Variants in DGCR8 observed in about 807,000 individuals in gnomAD.
DGCR8 encodes the protein microprocessor complex subunit DGCR8.
DGCR8 carries 14 observed loss-of-function variants against 78.5 expected under a neutral mutation model. That is an observed-to-expected ratio of 0.18 (90% CI 0.12 to 0.28). The LOEUF (loss-of-function observed/expected upper bound fraction) is 0.28, where lower values mean the gene tolerates loss of function less well. DGCR8 is among the 10% of genes least tolerant of loss of function. DGCR8 has a pLI of 1.00. For missense variants in DGCR8, 702 were observed against 1,022.5 expected, an observed-to-expected ratio of 0.69 and a Z score of 4.28; for synonymous variants, 399 against 402.4, an observed-to-expected ratio of 0.99 and a Z score of 0.10.
Position 20,087,282 on chromosome 22 carries a change from G to A in DGCR8, c.841G>A (p.Val281Met). The change falls in exon 3 of 14, where the codon GTG becomes ATG. Residue 281 changes from valine to methionine, a missense_variant. Val to Met is a conservative substitution (Grantham distance 21). Transcript: ENST00000351989. This position sits in a 1 kb window ranked among gnomAD's most constrained non-coding sequence, Gnocchi z 4.1. ...CCATCCGTCCGATGGAGAGACAAGT[G>A]TGCAGCCGATGATGACCAAGATTAA... Reference protein sequence around the residue: ...SDHPSDGETSVQPMMTKIKTV... With the variant: ...SDHPSDGETSMQPMMTKIKTV... The A allele has an allele frequency of 1.2e-6, 2 of 1,613,540 alleles. No individual in the cohort carries two copies. Among genetic ancestry groups the A allele is most frequent in the East Asian group, 2.2e-5 (1 of 44,850 alleles).
At chr22:20,093,357 A>G (rs1160731496) in intron 8 of DGCR8, among the ~76,000 whole-genome samples, 2 of 151,796 alleles carry the variant, frequency 1.3e-5, no homozygotes, top group Non-Finnish European at 2.9e-5. Flanking sequence ...GTGAGCTGAG[A>G]TCGTGCCACT....
chr22:20,084,632 G>A lies in DGCR8; in HGVS notation c.-277-1055G>A, dbSNP rs1439699228. ...TGTGGCCTCGGCACCTTCAGAGCCT[G>A]CCTGGAGGTCCCCTCTGTTCTCCTC... On this transcript the variant is annotated intron_variant, in intron 1 of 13. Transcript: ENST00000351989. 2.6e-5 allele frequency among the ~76,000 whole-genome samples: 4 copies of A among 152,316 alleles called. No homozygotes were observed. The East Asian group carries it at 7.7e-4, about 29-fold the overall frequency.
chr22:20,106,396 C>G (rs1162700250), intron 10 of DGCR8, 119 bp downstream of exon 10: 18 of 938,042 alleles, frequency 1.9e-5, no homozygotes, highest in Admixed American at 1.4e-4. Flanking sequence ...CCTGGGTACA[C>G]AGCAGCCCCT....
intron 9 of DGCR8, among the ~76,000 whole-genome samples, chr22:20,102,940 C>T (rs933873293): frequency 2.0e-5 from 3 of 152,114 alleles, no homozygotes; most frequent in Admixed American, 6.6e-5. Context: ...CGAGACCTGC[C>T]TGGCCAACAT....
At position 20,111,364 on chromosome 22, in the gene DGCR8, CTTT is replaced by C. The variant is rs375425509; in HGVS notation, c.*1268_*1270del. 157 of 384,374 alleles carry C rather than the reference CTTT, an allele frequency of 4.1e-4. No homozygotes were observed. The highest frequency in any genetic ancestry group is 1.5e-3 in the Admixed American group (33 of 21,814). 23.8% of individuals were successfully genotyped at this position (384,374 alleles called of 1,614,324 possible). On this transcript the variant is annotated 3_prime_UTR_variant, in exon 14 of 14. Coordinates refer to ENST00000351989, the MANE Select transcript of DGCR8 (RefSeq NM_022720.7). ...CCCCCTACAGGCGGTACTGATGGCG[CTTT>C]TTTTTTTTTTTCTGTCAGGAAAACA...
chr22:20,108,924 A>G lies in DGCR8; in HGVS notation c.2159A>G (p.Gln720Arg). The change falls in exon 13 of 14, where the codon CAG becomes CGG. Residue 720 changes from glutamine (Q) to arginine (R), a missense_variant. Around this residue, in one of 4 missense-constraint regions of DGCR8, gnomAD observed 225 missense variants for 427.7 expected, o/e 0.53. Coordinates refer to ENST00000351989, the MANE Select transcript of DGCR8 (RefSeq NM_022720.7). ...GACAAGAGTGTGATTGAGCTGCAGC[A>G]GTATGCCAAGAAGAACAAGCCCAAC... ...TSDKSVIELQQYAKKNKPNLH... is the reference protein window; with the variant it reads ...TSDKSVIELQRYAKKNKPNLH... 1 of 1,608,406 alleles carries G rather than the reference A, an allele frequency of 6.2e-7. No individual in the cohort carries two copies. Among genetic ancestry groups the G allele is most frequent in the Non-Finnish European group, 8.5e-7 (1 of 1,174,986 alleles).
In DGCR8 at chr22:20,091,507, C is replaced by T; in HGVS notation, c.1379C>T (p.Thr460Ile). ...CAAGTTACTGTGAAAAAATTCAGGA[C>T]TTGGGCTGAGCGGCGGCAATTCAAT... is the stretch of plus-strand genomic sequence containing the variant. ...FEQVTVKKFR[T>I]WAERRQFNRE... The change falls in exon 6 of 14, where the codon ACT (threonine) becomes ATT (isoleucine). Residue 460 changes from threonine (T) to isoleucine (I), a missense_variant. Physicochemically the swap from Thr to Ile is moderately conservative, Grantham distance 89. This residue lies in a region of DGCR8 where 225 missense variants were observed against 427.7 expected (regional missense o/e 0.53). Transcript: ENST00000351989. 1 of 1,614,174 alleles carries T rather than the reference C, an allele frequency of 6.2e-7. No homozygotes were observed. The highest frequency in any genetic ancestry group is 8.5e-7 in the Non-Finnish European group (1 of 1,180,030).
chr22:20,105,158 T>C (rs1265703252), intron 9 of DGCR8, among the ~76,000 whole-genome samples: 1 of 152,204 alleles, frequency 6.6e-6, no homozygotes, highest in South Asian at 2.1e-4. Context: ...AGTGGTGTGA[T>C]CCAGTGTGTC....
Position 20,090,244 on chromosome 22 carries a change from A to T in DGCR8, c.1292A>T (p.Lys431Ile). ...GTGAAGGCCAAAGTCGAGGTGTGCA[A>T]AGATGAATCCGTTGGTGAGTTTTTG... ...GQVKAKVEVCKDESVDLEEFR... is the reference protein window; with the variant it reads ...GQVKAKVEVCIDESVDLEEFR... Residue 431 changes from lysine to isoleucine, a missense_variant, in exon 5 of 14, where the codon AAA (lysine) becomes ATA (isoleucine). By Grantham distance (102) the Lys-to-Ile change is moderately radical. This residue lies in a region of DGCR8 where 119 missense variants were observed against 126.1 expected (regional missense o/e 0.94). Coordinates refer to ENST00000351989, the MANE Select transcript of DGCR8 (RefSeq NM_022720.7). The T allele has an allele frequency of 6.2e-7, 1 of 1,601,192 alleles. No homozygotes were observed. Among genetic ancestry groups the T allele is most frequent in the Non-Finnish European group, 8.5e-7 (1 of 1,176,166 alleles).
At position 20,086,460 on chromosome 22, in the gene DGCR8, G is replaced by A. The variant is rs1056538434; in HGVS notation, c.497G>A (p.Gly166Glu). ...GACGTGCATGCTTGTCCCTTTGGCG[G>A]GAGTGTTGGTGACGGGGTAGGCATA... ...SGDVHACPFGGSVGDGVGIGG... is the reference protein window; with the variant it reads ...SGDVHACPFGESVGDGVGIGG... The change falls in exon 2 of 14, where the codon GGG (glycine) becomes GAG (glutamate). Residue 166 changes from glycine (G) to glutamate (E), a missense_variant. Coordinates refer to ENST00000351989, the MANE Select transcript of DGCR8 (RefSeq NM_022720.7). The surrounding 1 kb of genome is among the most constrained non-coding windows in gnomAD (Gnocchi z 6.4). 6.2e-7 allele frequency: 1 copy of A among 1,614,024 alleles called. No homozygotes were observed. Among genetic ancestry groups the A allele is most frequent in the Non-Finnish European group, 8.5e-7 (1 of 1,180,024 alleles).
At position 20,080,281 on chromosome 22, in the gene DGCR8, A is replaced by G. The variant is rs1405559994; in HGVS notation, c.-380A>G. On this transcript the variant is annotated 5_prime_UTR_variant, in exon 1 of 14. Transcript: ENST00000351989. ...GCGGCAGGCGGGTGCCGGCGACCGG[A>G]GAGCCTGGACAGGCTTTCCAGATGG... 25 of 980,704 alleles carry G rather than the reference A, an allele frequency of 2.5e-5. No homozygotes were observed. Among genetic ancestry groups the G allele is most frequent in the Non-Finnish European group, 3.0e-5 (25 of 828,058 alleles). 60.8% of individuals were successfully genotyped at this position (980,704 alleles called of 1,614,324 possible).
chr22:20,103,212 C>G (rs1456592610), intron 9 of DGCR8, among the ~76,000 whole-genome samples: 1 of 151,930 alleles, frequency 6.6e-6, no homozygotes, highest in Admixed American at 6.6e-5. Context: ...GAATGGACAT[C>G]CTAACAATAT....
chr22:20,095,455 G>A (rs1602487464), intron 9 of DGCR8, among the ~76,000 whole-genome samples: 1 of 152,086 alleles, frequency 6.6e-6, no homozygotes, highest in African/African-American at 2.4e-5. Flanking sequence ...GAAGTTAGGG[G>A]CACCAGCCTC....
In DGCR8 at chr22:20,111,203, C is replaced by T; in HGVS notation, c.*1095C>T. 2.5e-6 allele frequency: 1 copy of T among 398,824 alleles called. No homozygotes were observed. The highest frequency in any genetic ancestry group is 4.4e-6 in the Non-Finnish European group (1 of 226,068). The allele number at this position is 398,824 out of a possible 1,614,324, so 24.7% of individuals were successfully genotyped here. On this transcript the variant is annotated 3_prime_UTR_variant, in exon 14 of 14. Coordinates refer to ENST00000351989, the MANE Select transcript of DGCR8 (RefSeq NM_022720.7). ...GGTGTGCGATGGAAATGTGTTCCTG[C>T]CGGAGTCTGAGGCACCAGGGTGTGC...
intron 13 of DGCR8, 152 bp from the exon 14 acceptor site, chr22:20,109,873 T>C: frequency 1.4e-6 from 1 of 718,428 alleles, no homozygotes; most frequent in Non-Finnish European, 2.3e-6. Flanking sequence ...AGGCCTTCCC[T>C]GCTCCTCCTA....
intron 1 of DGCR8, among the ~76,000 whole-genome samples, chr22:20,081,118 C>T (rs1327038223): frequency 6.6e-6 from 1 of 152,122 alleles, no homozygotes. Flanking sequence ...ATGGCCAGCC[C>T]GGGGTACCCA....
chr22:20,099,717 A>C (rs1381009776), intron 9 of DGCR8, among the ~76,000 whole-genome samples: 1 of 152,234 alleles, frequency 6.6e-6, no homozygotes, highest in Admixed American at 6.5e-5. Context: ...AGGAGAGCAG[A>C]TTTTGGAGGT....
chr22:20,090,233 C>G lies in DGCR8; in HGVS notation c.1281C>G (p.Val427=), dbSNP rs113891618. ...PGALGQVKAK[V]EVCKDESVDL... ...CCCTGGGGCAGGTGAAGGCCAAAGTCGAGGTGTGCAAAGATGAATCCGTTG... is the reference window on the plus strand; with the variant it reads ...CCCTGGGGCAGGTGAAGGCCAAAGTGGAGGTGTGCAAAGATGAATCCGTTG... Residue 427 remains valine, a synonymous_variant, in exon 5 of 14, where the codon GTC becomes GTG. Transcript: ENST00000351989. 6.2e-7 allele frequency: 1 copy of G among 1,609,580 alleles called. No individual in the cohort carries two copies. The highest frequency in any genetic ancestry group is 1.7e-5 in the Admixed American group (1 of 58,544).
At chr22:20,091,342 T>C (rs2049557205) in intron 5 of DGCR8, 93 bp from the exon 6 acceptor site, 2 of 1,272,928 alleles carry the variant, frequency 1.6e-6, no homozygotes, top group Non-Finnish European at 2.3e-6. Context: ...AATAGTGTCA[T>C]GTGGCCTGGG....
Sources: gnomAD v4.1 joint callset for allele counts (sites outside exome capture counted in the v4.1 genomes callset) on GRCh38, gnomAD v4.1.1 for gene constraint, gnomAD v4.1.1 regional missense constraint, Gnocchi (gnomAD v3.1) non-coding constraint, MANE v1.5 for transcripts, NCBI Gene and HGNC (gene_info 2026-07-23, HGNC 2026-07-21) for gene names.